The following SMCO4 variants were observed in gnomAD, a reference collection of about 807,000 sequenced individuals.
The protein encoded by SMCO4 is single-pass membrane and coiled-coil domain-containing protein 4.
SMCO4 carries 4 observed loss-of-function variants against 3.6 expected under a neutral mutation model. The ratio of observed to expected loss-of-function variants is 1.11; its 90% CI spans 0.54 to 2.53. The LOEUF is 2.53. SMCO4 is among the 30% of genes most tolerant of loss of function. The pLI is 0.02. For synonymous variants in SMCO4, 36 were observed against 35.3 expected, an observed-to-expected ratio of 1.02 and a Z score of -0.07; for missense variants, 70 against 80.8, an observed-to-expected ratio of 0.87 and a Z score of 0.51.
chr11:93,535,602 T>G (rs1565390760), intron 1 of SMCO4: 1 of 1,548,960 alleles, frequency 6.5e-7, no homozygotes, highest in African/African-American at 1.4e-5. Context: ...AGAAAGGTAC[T>G]GTGGAGGGCT....
the SMCO4 span, among the ~76,000 whole-genome samples, chr11:93,549,462 T>C: frequency 6.6e-6 from 1 of 152,020 alleles, no homozygotes; most frequent in Non-Finnish European, 1.5e-5. Flanking sequence ...AAAAAAAATT[T>C]TTTTGAGTCA....
At chr11:93,543,041 G>C (rs1045941092) in intron 1 of SMCO4, among the ~76,000 whole-genome samples, 1 of 151,722 alleles carries the variant, frequency 6.6e-6, no homozygotes. Context: ...GAGCCGCGAC[G>C]GGCAGGCGAG....
In SMCO4 at chr11:93,535,382, G is replaced by A. The variant is rs573443524; in HGVS notation, c.-154+7894C>T. The A allele has an allele frequency of 4.2e-4, 330 of 788,152 alleles. 2 individuals are homozygous for A. The highest frequency in any genetic ancestry group is 1.4e-3 in the South Asian group (83 of 59,986). The allele number at this position is 788,152 out of a possible 1,614,324, so 48.8% of individuals were successfully genotyped here. A position where few individuals can be genotyped will look rare whatever the true frequency, so the allele number is the denominator to read the frequency against. ...TGGACCCACCACTCTTAACATCTAC[G>A]ATCTCAGCAATAAGAATCAAGAAGC... On this transcript the variant is annotated intron_variant, in intron 1 of 2. Coordinates refer to ENST00000298966, the MANE Select transcript of SMCO4 (RefSeq NM_020179.3).
chr11:93,485,319 C>T (rs897554), intron 2 of SMCO4, among the ~76,000 whole-genome samples: 5,907 of 152,284 alleles, frequency 0.039, 169 homozygotes, highest in Non-Finnish European at 0.052. Flanking sequence ...TTTCCAGCCT[C>T]ACCACACCCA....
upstream of SMCO4, among the ~76,000 whole-genome samples, chr11:93,544,896 T>C (rs1033108034): frequency 6.6e-6 from 1 of 152,222 alleles, no homozygotes; most frequent in Non-Finnish European, 1.5e-5. Context: ...ATTTAGCATG[T>C]ATTTAAGGAG....
chr11:93,533,599 C>T lies in SMCO4; in HGVS notation c.-154+9677G>A, dbSNP rs887239364. 3.3e-5 allele frequency among the ~76,000 whole-genome samples: 5 copies of T among 152,114 alleles called. 1 individual carries two copies. In the South Asian group the frequency reaches 8.3e-4, roughly 25 times the overall value. The stretch of plus-strand genomic sequence containing the variant: ...AGGGTAGAGGTTGCACTAGCAATCC[C>T]CTAACCCTCAGTCTATCTAAAAAAA... On this transcript the variant is annotated intron_variant, in intron 1 of 2. Transcript: ENST00000298966.
At chr11:93,479,431 T>G (rs975927201) in intron 2 of SMCO4, 162 bp from the exon 3 acceptor site, 2 of 647,170 alleles carry the variant, frequency 3.1e-6, no homozygotes, top group Admixed American at 6.6e-5. Flanking sequence ...GGATCAGCGC[T>G]CTAAGTAGTG....
chr11:93,527,629 T>A (rs997348541), intron 1 of SMCO4, among the ~76,000 whole-genome samples: 15 of 152,060 alleles, frequency 9.9e-5, no homozygotes, highest in Non-Finnish European at 1.9e-4. Context: ...ACTAATTTTT[T>A]AAAAATTTTT....
chr11:93,485,112 C>T (rs752736434), intron 2 of SMCO4, among the ~76,000 whole-genome samples: 4 of 152,140 alleles, frequency 2.6e-5, no homozygotes, highest in Non-Finnish European at 5.9e-5. Context: ...ATCGATTTCA[C>T]CTGTTTTCTT....
rs374001738 is a variant in SMCO4 at position 93,532,806 on chromosome 11, T to C, written c.-154+10470A>G. 1.5e-3 allele frequency among the ~76,000 whole-genome samples: 222 copies of C among 152,230 alleles called. 5 individuals carry two copies. In the South Asian group the frequency reaches 0.044, roughly 30 times the overall value. On this transcript the variant is annotated intron_variant, in intron 1 of 2. Transcript: ENST00000298966. ...GATCCATGGGAAAACATACTCCTGC[T>C]GTTTAAGCCACTCAGTTTCTGGCAC...
chr11:93,483,336 G>A (rs75988917), intron 2 of SMCO4, among the ~76,000 whole-genome samples: 1 of 152,068 alleles, frequency 6.6e-6, no homozygotes, highest in African/African-American at 2.4e-5. Context: ...GGGCTGCACC[G>A]GGCGGCCTCC....
intron 2 of SMCO4, among the ~76,000 whole-genome samples, chr11:93,484,597 C>G (rs1361656875): frequency 6.6e-6 from 1 of 152,006 alleles, no homozygotes; most frequent in African/African-American, 2.4e-5. Context: ...CAGGCCATAC[C>G]AGAGGCTCAA....
the SMCO4 span, among the ~76,000 whole-genome samples, chr11:93,551,903 C>G: frequency 6.6e-6 from 1 of 152,118 alleles, no homozygotes; most frequent in South Asian, 2.1e-4. Context: ...CTTCCTGAAA[C>G]TTGAAGGAAT....
chr11:93,509,426 A>G (rs1217972320), intron 1 of SMCO4, among the ~76,000 whole-genome samples: 3 of 152,310 alleles, frequency 2.0e-5, no homozygotes, highest in Admixed American at 2.0e-4. Flanking sequence ...TAAAGAACTA[A>G]AAGTAGGACC....
At chr11:93,528,760 T>C (rs1045577800) in intron 1 of SMCO4, among the ~76,000 whole-genome samples, 1 of 152,122 alleles carries the variant, frequency 6.6e-6, no homozygotes, top group Admixed American at 6.5e-5. Context: ...GGCAAGTAAC[T>C]TATCGAAGGC....
chr11:93,535,666 A>G, intron 1 of SMCO4: 1 of 1,609,826 alleles, frequency 6.2e-7, no homozygotes, highest in Non-Finnish European at 8.5e-7. Context: ...GAAAAAGAAG[A>G]TCAGCACAGT....
chr11:93,533,541 C>T (rs1416933916), intron 1 of SMCO4, among the ~76,000 whole-genome samples: 2 of 152,172 alleles, frequency 1.3e-5, no homozygotes, highest in Non-Finnish European at 1.5e-5. Context: ...GACACTTTGG[C>T]TTTCAGGGCC....
chr11:93,541,377 T>C (rs1390385338), intron 1 of SMCO4, among the ~76,000 whole-genome samples: 2 of 152,196 alleles, frequency 1.3e-5, no homozygotes, highest in South Asian at 2.1e-4. Flanking sequence ...AGTCTGGGCA[T>C]GCCAGAGGCA....
chr11:93,505,841 G>T (rs1199220746), intron 1 of SMCO4, among the ~76,000 whole-genome samples: 1 of 147,642 alleles, frequency 6.8e-6, no homozygotes, highest in Non-Finnish European at 1.5e-5. Context: ...AAAGAAAAAT[G>T]TATTAAGCCC....
Sources: allele counts gnomAD v4.1 joint callset (sites outside exome capture counted in the v4.1 genomes callset), GRCh38; gene constraint gnomAD v4.1.1; transcripts MANE v1.5; gene names NCBI Gene and HGNC (gene_info 2026-07-23, HGNC 2026-07-21).